Variants in ASCC1 observed in about 807,000 individuals in gnomAD.
ASCC1 encodes activating signal cointegrator 1 complex subunit 1.
Under a neutral mutation model 46.6 loss-of-function variants are expected in ASCC1, and 35 were observed. The observed-to-expected ratio is 0.75, with a 90% CI of 0.57 to 0.99. ASCC1 has a LOEUF of 0.99. Among genes scored for constraint, ASCC1 ranks in the 50% least tolerant of loss-of-function variants. The pLI is 0.00. For synonymous variants in ASCC1, 143 were observed against 146.6 expected (o/e 0.98, Z 0.18); for missense variants, 376 against 428.7 (o/e 0.88, Z 1.09).
chr10:72,151,775 G>C (rs903724774), intron 7 of ASCC1, among the ~76,000 whole-genome samples: 1 of 149,950 alleles, frequency 6.7e-6, no homozygotes, highest in Admixed American at 6.7e-5. Flanking sequence ...TGCAACCTCC[G>C]CTTCCCCGGT....
At chr10:72,205,348 T>G (rs1857049496) in intron 3 of ASCC1, among the ~76,000 whole-genome samples, 1 of 152,042 alleles carries the variant, frequency 6.6e-6, no homozygotes, top group South Asian at 2.1e-4. Flanking sequence ...GGTGGCTCAA[T>G]GCCGGGTGCG....
At chr10:72,113,142 T>C (rs1295640666) in intron 9 of ASCC1, among the ~76,000 whole-genome samples, 1 of 152,238 alleles carries the variant, frequency 6.6e-6, no homozygotes, top group Non-Finnish European at 1.5e-5. Context: ...TTATATTTAG[T>C]AGGTATTCAA....
intron 5 of ASCC1, among the ~76,000 whole-genome samples, chr10:72,163,127 G>A (rs1849904914): frequency 6.6e-6 from 1 of 152,086 alleles, no homozygotes; most frequent in South Asian, 2.1e-4. Flanking sequence ...GACAAGTGCT[G>A]GCGAGGATGT....
intron 9 of ASCC1, among the ~76,000 whole-genome samples, chr10:72,115,229 A>G (rs1228908114): frequency 6.6e-6 from 1 of 152,128 alleles, no homozygotes; most frequent in Non-Finnish European, 1.5e-5. Context: ...CCAAAATCTG[A>G]TGTCTGTAGA....
intron 5 of ASCC1, among the ~76,000 whole-genome samples, chr10:72,189,549 T>C (rs960933635): frequency 1.3e-5 from 2 of 152,140 alleles, no homozygotes; most frequent in Non-Finnish European, 2.9e-5. Context: ...ACACCTGTAA[T>C]CCTAGCACTT....
chr10:72,165,391 C>T (rs1266216699), intron 5 of ASCC1, among the ~76,000 whole-genome samples: 1 of 152,234 alleles, frequency 6.6e-6, no homozygotes, highest in African/African-American at 2.4e-5. Flanking sequence ...GCTGGGATTA[C>T]AGGCATGAGC....
At chr10:72,136,031 C>CT (rs922628927) in intron 7 of ASCC1, among the ~76,000 whole-genome samples, 17 of 151,954 alleles carry the variant, frequency 1.1e-4, no homozygotes, top group East Asian at 3.9e-4. Flanking sequence ...TGTTGTTTTT[C>CT]TTTTTTTAAG....
intron 5 of ASCC1, among the ~76,000 whole-genome samples, chr10:72,172,836 T>TTATATTATATATAATATTTTTATATTATA (rs1318041932): frequency 2.2e-5 from 3 of 134,118 alleles, no homozygotes; most frequent in African/African-American, 5.5e-5. Context: ...TTTTATATTT[T>TTATATTATATATAATATTTTTATATTATA]TATATTATAT....
chr10:72,202,859 A>G (rs1033025854), intron 4 of ASCC1, among the ~76,000 whole-genome samples: 4 of 152,180 alleles, frequency 2.6e-5, no homozygotes, highest in Non-Finnish European at 5.9e-5. Context: ...CTCCTAATAC[A>G]CAGTGAAATC....
chr10:72,196,734 G>C, intron 5 of ASCC1, 77 bp downstream of exon 5: 1 of 1,433,526 alleles, frequency 7.0e-7, no homozygotes, highest in Non-Finnish European at 9.6e-7. Context: ...ACTCCCTACT[G>C]TTTGATTTAT....
intron 7 of ASCC1, among the ~76,000 whole-genome samples, chr10:72,146,238 A>G (rs1166818179): frequency 6.6e-6 from 1 of 152,178 alleles, no homozygotes; most frequent in Non-Finnish European, 1.5e-5. Flanking sequence ...CCTCTTGTGG[A>G]TGACAGAAGC....
At chr10:72,152,179 T>TG (rs1564654421) in intron 7 of ASCC1, among the ~76,000 whole-genome samples, 1 of 150,952 alleles carries the variant, frequency 6.6e-6, no homozygotes, top group African/African-American at 2.4e-5. Flanking sequence ...TGGGTTTTTT[T>TG]TTTTTTGTTT....
At chr10:72,121,204 T>G (rs1020401002) in intron 9 of ASCC1, among the ~76,000 whole-genome samples, 1 of 152,114 alleles carries the variant, frequency 6.6e-6, no homozygotes. Context: ...AGTGCAATGG[T>G]GCAATCATAG....
At chr10:72,179,460 C>T (rs1315423122) in intron 5 of ASCC1, among the ~76,000 whole-genome samples, 3 of 152,186 alleles carry the variant, frequency 2.0e-5, no homozygotes, top group Non-Finnish European at 4.4e-5. Flanking sequence ...AATTGTTTAA[C>T]AGGATATTTT....
intron 3 of ASCC1, 72 bp from the exon 4 acceptor site, chr10:72,203,596 T>C (rs1856804323): frequency 3.5e-6 from 4 of 1,134,530 alleles, no homozygotes; most frequent in Non-Finnish European, 5.3e-6. Context: ...TATGTTTAAA[T>C]CCTTTGTGAC....
At chr10:72,210,914 G>C (rs1857995795) in intron 2 of ASCC1, 83 bp from the exon 3 acceptor site, 1 of 1,345,958 alleles carries the variant, frequency 7.4e-7, no homozygotes, top group South Asian at 1.2e-5. Context: ...AACCGCTGTT[G>C]AGGTTTAAAA....
rs7893656 is a variant in ASCC1 at position 72,104,931 on chromosome 10, G to A, written c.958-7481C>T. 1.9e-3 allele frequency among the ~76,000 whole-genome samples: 284 copies of A among 152,252 alleles called. 2 individuals are homozygous for A. Among genetic ancestry groups the A allele is most frequent in the African/African-American group, 6.2e-3 (256 of 41,506 alleles). ...TCAGAGGGATGGCTGGACTCCAGAG[G>A]AGAGATGGCTTGACTTCCGGGAAGA... On this transcript the variant is annotated intron_variant, in intron 9 of 9. Coordinates refer to ENST00000672957, the MANE Select transcript of ASCC1 (RefSeq NM_001198800.3).
At chr10:72,171,589 G>C (rs757851690) in intron 5 of ASCC1, among the ~76,000 whole-genome samples, 3 of 152,136 alleles carry the variant, frequency 2.0e-5, no homozygotes, top group Admixed American at 6.6e-5. Flanking sequence ...ACCATGTCCA[G>C]CTAATTTTGT....
intron 7 of ASCC1, chr10:72,134,292 G>A (rs1457302510): frequency 2.0e-5 from 3 of 151,878 alleles, no homozygotes; most frequent in Non-Finnish European, 4.4e-5. Flanking sequence ...AAATTAGCTG[G>A]GCATGGTGGC....
Sources: allele counts gnomAD v4.1 joint callset (sites outside exome capture counted in the v4.1 genomes callset), GRCh38; gene constraint gnomAD v4.1.1; transcripts MANE v1.5; gene names NCBI Gene and HGNC (gene_info 2026-07-23, HGNC 2026-07-21).